SMAD4: variants seen among roughly 807,000 people sequenced by gnomAD.
SMAD4 encodes SMAD family member 4, also known as MAD homolog 4.
Under a neutral mutation model 63.2 loss-of-function variants are expected in SMAD4, and 7 were observed. That is an observed-to-expected ratio of 0.11 (90% CI 0.06 to 0.21). The LOEUF is 0.21. SMAD4 is among the 10% of genes least tolerant of loss of function. The pLI is 1.00. For missense variants in SMAD4, 312 were observed against 693.8 expected (o/e 0.45, Z 6.18); for synonymous variants, 215 against 235.4 (o/e 0.91, Z 0.79).
chr18:51,075,173 GAAAT>G (rs750635354), intron 10 of SMAD4, among the ~76,000 whole-genome samples: 89 of 152,210 alleles, frequency 5.8e-4, no homozygotes, highest in Non-Finnish European at 8.5e-4. Context: ...ACTGAGTAGA[GAAAT>G]AGGAGTAAGT....
chr18:51,064,067 G>A (rs75526742), intron 8 of SMAD4, among the ~76,000 whole-genome samples: 1 of 148,124 alleles, frequency 6.8e-6, no homozygotes, highest in South Asian at 2.1e-4. Flanking sequence ...TTTTTTTTCC[G>A]TAAGATCTGG....
At chr18:51,051,788 C>T (rs1216992043) in intron 4 of SMAD4, among the ~76,000 whole-genome samples, 2 of 151,874 alleles carry the variant, frequency 1.3e-5, no homozygotes, top group African/African-American at 2.4e-5. Context: ...AGAATATATT[C>T]TTTGACCCTC....
At chr18:51,074,904 G>A (rs1204982859) in intron 10 of SMAD4, among the ~76,000 whole-genome samples, 9 of 152,016 alleles carry the variant, frequency 5.9e-5, no homozygotes, top group Non-Finnish European at 1.2e-4. Flanking sequence ...AAATTTTTTT[G>A]TGGAGTTGGG....
At chr18:51,033,186 A>ATTTTTTTTTT in intron 1 of SMAD4, among the ~76,000 whole-genome samples, 1 of 117,316 alleles carries the variant, frequency 8.5e-6, no homozygotes, top group Non-Finnish European at 1.7e-5. Context: ...ATAACACAGC[A>ATTTTTTTTTT]TTTTTTTTTT....
rs763574510 is a variant in SMAD4 at position 51,063,404 on chromosome 18, AAT to A, written c.956-2008_956-2007del. Among the ~76,000 whole-genome samples, 37 of 151,840 alleles carry A rather than the reference AAT, an allele frequency of 2.4e-4. No individual in the cohort carries two copies. In the South Asian group the frequency reaches 7.7e-3, roughly 32 times the overall value. ...CCTTCACATTACATTTTCTATAGAC[AAT>A]ATATATATATTTTTTTAAATTTTTG... On this transcript the variant is annotated intron_variant, in intron 8 of 11. Coordinates refer to ENST00000342988, the MANE Select transcript of SMAD4 (RefSeq NM_005359.6).
In SMAD4 at chr18:51,084,012, G is replaced by GCACACACACACACGCGCA. The variant is rs1910682615; in HGVS notation, c.*5558_*5559insGCGCACACACACACACAC. 6.6e-6 allele frequency: 1 copy of GCACACACACACACGCGCA among 152,640 alleles called. No homozygotes were observed. The highest frequency in any genetic ancestry group is 2.4e-4 in the South Asian group (1 of 4,196). 9.5% of individuals were successfully genotyped at this position (152,640 alleles called of 1,614,324 possible). A position where few individuals can be genotyped will look rare whatever the true frequency, so the allele number is the denominator to read the frequency against. On this transcript the variant is annotated 3_prime_UTR_variant, in exon 12 of 12. Transcript: ENST00000342988. ...TTAACGCGCGTGCGCACGCGCGCGCGCACACACACACACACACACACACAC... is the reference window on the plus strand; with the variant it reads ...TTAACGCGCGTGCGCACGCGCGCGCGCACACACACACACGCGCACACACACACACACACACACACACAC...
intron 11 of SMAD4, chr18:51,077,485 A>G (rs952543227): frequency 1.1e-5 from 5 of 459,884 alleles, no homozygotes; most frequent in African/African-American, 1.1e-4. Flanking sequence ...GTACATGCAA[A>G]TTCCTCCCAT....
At position 51,083,136 on chromosome 18, in the gene SMAD4, C is replaced by A. The variant is rs769227954; in HGVS notation, c.*4669C>A. The A allele has an allele frequency of 1.8e-5, 4 of 225,902 alleles. No homozygotes were observed. The highest frequency in any genetic ancestry group is 6.4e-5 in the East Asian group (1 of 15,674). 14.0% of individuals were successfully genotyped at this position (225,902 alleles called of 1,614,324 possible). A position where few individuals can be genotyped will look rare whatever the true frequency, so the allele number is the denominator to read the frequency against. ...TGCTTCCACTTGAATGCTGCTCTTA[C>A]AAAAACTGGGGTTACAAGGGTTACT... On this transcript the variant is annotated 3_prime_UTR_variant, in exon 12 of 12. Coordinates refer to ENST00000342988, the MANE Select transcript of SMAD4 (RefSeq NM_005359.6).
At chr18:51,058,731 T>C (rs1306714201) in intron 7 of SMAD4, among the ~76,000 whole-genome samples, 1 of 152,228 alleles carries the variant, frequency 6.6e-6, no homozygotes, top group Non-Finnish European at 1.5e-5. Flanking sequence ...TTGTTTGCTT[T>C]GTATATGTTC....
intron 10 of SMAD4, among the ~76,000 whole-genome samples, chr18:51,069,701 C>G (rs1910265341): frequency 6.6e-6 from 1 of 152,150 alleles, no homozygotes; most frequent in Non-Finnish European, 1.5e-5. Context: ...GCCTAGATTT[C>G]TCTGAAACTT....
At chr18:51,033,203 T>G (rs1456174755) in intron 1 of SMAD4, among the ~76,000 whole-genome samples, 5 of 150,652 alleles carry the variant, frequency 3.3e-5, no homozygotes, top group Non-Finnish European at 7.4e-5. Flanking sequence ...TTTTTTTTTT[T>G]TTTTGAGATG....
chr18:51,044,327 T>TA, intron 1 of SMAD4, among the ~76,000 whole-genome samples: 1 of 152,294 alleles, frequency 6.6e-6, no homozygotes, highest in Non-Finnish European at 1.5e-5. Flanking sequence ...TACATTTTTT[T>TA]AGACAGATTT....
Position 51,030,561 on chromosome 18 carries a change from C to G in SMAD4, c.-190C>G, listed in dbSNP as rs1470865039. 6.6e-6 allele frequency: 1 copy of G among 150,622 alleles called. No individual in the cohort carries two copies. Among genetic ancestry groups the G allele is most frequent in the Admixed American group, 6.6e-5 (1 of 15,134 alleles). The allele number at this position is 150,622 out of a possible 1,614,324, so 9.3% of individuals were successfully genotyped here. A position where few individuals can be genotyped will look rare whatever the true frequency, so the allele number is the denominator to read the frequency against. ...CGGGCCGCCGGGGAAAGCTACGGGCCCGGTGCGTCCGCGGACCAGCAGCGC... is the reference window on the plus strand; with the variant it reads ...CGGGCCGCCGGGGAAAGCTACGGGCGCGGTGCGTCCGCGGACCAGCAGCGC... On this transcript the variant is annotated 5_prime_UTR_variant, in exon 1 of 12. Coordinates refer to ENST00000342988, the MANE Select transcript of SMAD4 (RefSeq NM_005359.6).
intron 4 of SMAD4, among the ~76,000 whole-genome samples, chr18:51,052,021 C>T (rs1013401569): frequency 1.1e-4 from 17 of 151,764 alleles, no homozygotes; most frequent in African/African-American, 3.9e-4. Flanking sequence ...CCATGTTGGC[C>T]GGCTGGTCTC....
At position 51,065,403 on chromosome 18, in the gene SMAD4, T is replaced by C; in HGVS notation, c.956-20T>C. 2 of 1,600,884 alleles carry C rather than the reference T, an allele frequency of 1.2e-6. No homozygotes were observed. The highest frequency in any genetic ancestry group is 1.7e-6 in the Non-Finnish European group (2 of 1,167,912). On this transcript the variant is annotated intron_variant, in intron 8 of 11. Coordinates refer to ENST00000342988, the MANE Select transcript of SMAD4 (RefSeq NM_005359.6). ...TATCTTTCTCATGGGAGGATGTTCT[T>C]TCCCATTTATTTCCTATAGCTCCTG... is the stretch of plus-strand genomic sequence containing the variant.
intron 1 of SMAD4, among the ~76,000 whole-genome samples, chr18:51,040,275 T>C (rs563102252): frequency 6.6e-6 from 1 of 152,024 alleles, no homozygotes; most frequent in Admixed American, 6.5e-5. Context: ...AATACAAAAA[T>C]TAGCTGGGCA....
intron 4 of SMAD4, chr18:51,054,069 G>C (rs1290729781): frequency 1.3e-5 from 2 of 152,336 alleles, no homozygotes; most frequent in Middle Eastern, 3.2e-3. Context: ...GTATCAGCTG[G>C]AATCTAGCTT....
intron 4 of SMAD4, 60 bp from the exon 5 acceptor site, chr18:51,054,720 AT>A (rs961773590): frequency 1.4e-4 from 158 of 1,166,676 alleles, no homozygotes; most frequent in Non-Finnish European, 1.8e-4. Flanking sequence ...TGCTAATAAG[AT>A]TTTTTTTTCT....
Position 51,081,056 on chromosome 18 carries a change from A to G in SMAD4, c.*2589A>G, listed in dbSNP as rs1479302897. 4.7e-6 allele frequency: 1 copy of G among 212,382 alleles called. No individual in the cohort carries two copies. Among genetic ancestry groups the G allele is most frequent in the African/African-American group, 2.3e-5 (1 of 44,148 alleles). The allele number at this position is 212,382 out of a possible 1,614,324, so 13.2% of individuals were successfully genotyped here. A position where few individuals can be genotyped will look rare whatever the true frequency, so the allele number is the denominator to read the frequency against. ...ACACGCTTTTGAGAAAACATCTAGT[A>G]TGTTATGATCAGCTATTCCTGAGAG... is the stretch of plus-strand genomic sequence containing the variant. On this transcript the variant is annotated 3_prime_UTR_variant, in exon 12 of 12. Coordinates refer to ENST00000342988, the MANE Select transcript of SMAD4 (RefSeq NM_005359.6).
Sources: gnomAD v4.1 joint callset for allele counts (sites outside exome capture counted in the v4.1 genomes callset) on GRCh38, gnomAD v4.1.1 for gene constraint, MANE v1.5 for transcripts, NCBI Gene and HGNC (gene_info 2026-07-23, HGNC 2026-07-21) for gene names.